Variants in KDM4A observed in about 807,000 individuals in gnomAD.
KDM4A encodes the protein lysine demethylase 4A, also known as lysine-specific demethylase 4A.
Under a neutral mutation model 127.1 loss-of-function variants are expected in KDM4A, and 23 were observed. The observed-to-expected ratio is 0.18, with a 90% CI of 0.13 to 0.26. KDM4A has a LOEUF of 0.26. Ranked by LOEUF, KDM4A falls within the 10% of genes least tolerant of loss-of-function variation. The pLI is 1.00. For synonymous variants in KDM4A, 443 were observed against 466.5 expected (o/e 0.95, Z 0.65); for missense variants, 890 against 1,329.1 (o/e 0.67, Z 5.14).
chr1:43,690,614 C>T (rs76799529), intron 13 of KDM4A: 23,789 of 577,192 alleles, frequency 0.041, 627 homozygotes, highest in Non-Finnish European at 0.054. Context: ...TTACCTTGCT[C>T]CCTTTTCTCA....
chr1:43,676,221 T>C (rs770788670), intron 11 of KDM4A, among the ~76,000 whole-genome samples: 2 of 151,908 alleles, frequency 1.3e-5, no homozygotes, highest in Non-Finnish European at 2.9e-5. Context: ...GCCTGAGAGG[T>C]TGAGGCTGCA....
At chr1:43,702,305 A>T (rs1661418266) in intron 19 of KDM4A, 1 of 152,226 alleles carries the variant, frequency 6.6e-6, no homozygotes, top group Non-Finnish European at 1.5e-5. Flanking sequence ...TGAGTAGTTA[A>T]ATCTTAGAAC....
intron 9 of KDM4A, 84 bp downstream of exon 9, chr1:43,668,103 G>T (rs1660539383): frequency 2.0e-6 from 3 of 1,516,148 alleles, no homozygotes; most frequent in Admixed American, 2.1e-5. Context: ...GCTGTTTCTT[G>T]TTTTTTTTGT....
chr1:43,665,563 TCAGA>T, intron 5 of KDM4A, 129 bp from the exon 6 acceptor site: 17 of 720,844 alleles, frequency 2.4e-5, no homozygotes, highest in Admixed American at 7.0e-5. Flanking sequence ...TTTCATTTTT[TCAGA>T]TTCCTTTCTA....
intron 6 of KDM4A, 118 bp downstream of exon 6, chr1:43,665,863 G>A: frequency 9.9e-7 from 1 of 1,009,802 alleles, no homozygotes; most frequent in Non-Finnish European, 1.5e-6. Context: ...CAGGCCTGCA[G>A]ACGGGGGTGA....
At chr1:43,682,592 C>G (rs1660883442) in intron 11 of KDM4A, among the ~76,000 whole-genome samples, 1 of 152,236 alleles carries the variant, frequency 6.6e-6, no homozygotes, top group Non-Finnish European at 1.5e-5. Flanking sequence ...CAGGCCTTTG[C>G]ACACAGTAGG....
chr1:43,689,479 C>T (rs1404889587), intron 13 of KDM4A, among the ~76,000 whole-genome samples: 1 of 152,252 alleles, frequency 6.6e-6, no homozygotes, highest in Non-Finnish European at 1.5e-5. Flanking sequence ...AGCTGAAAAG[C>T]CAGATCCTCT....
At chr1:43,684,300 C>A (rs147365100) in intron 12 of KDM4A, among the ~76,000 whole-genome samples, 2 of 152,068 alleles carry the variant, frequency 1.3e-5, no homozygotes, top group African/African-American at 2.4e-5. Context: ...GTCAGGAGAT[C>A]GAGACCATCC....
At chr1:43,669,980 G>A (rs1178496676) in intron 10 of KDM4A, among the ~76,000 whole-genome samples, 2 of 152,158 alleles carry the variant, frequency 1.3e-5, no homozygotes, top group African/African-American at 4.8e-5. Context: ...TTAATAGCAT[G>A]GTCCACTTGG....
At chr1:43,674,798 C>T (rs1001473872) in intron 11 of KDM4A, among the ~76,000 whole-genome samples, 1 of 152,068 alleles carries the variant, frequency 6.6e-6, no homozygotes, top group Non-Finnish European at 1.5e-5. Context: ...TGTGAGCCAT[C>T]GCGCCTGGCC....
chr1:43,676,223 G>C (rs776661936), intron 11 of KDM4A, among the ~76,000 whole-genome samples: 1 of 152,112 alleles, frequency 6.6e-6, no homozygotes, highest in African/African-American at 2.4e-5. Context: ...CTGAGAGGTT[G>C]AGGCTGCAAT....
At chr1:43,701,837 G>A (rs964722658) in intron 19 of KDM4A, among the ~76,000 whole-genome samples, 1 of 152,172 alleles carries the variant, frequency 6.6e-6, no homozygotes, top group Non-Finnish European at 1.5e-5. Flanking sequence ...AGCAGCTAGT[G>A]TAATTCACAA....
At position 43,671,813 on chromosome 1, in the gene KDM4A, G is replaced by A. The variant is rs185752390; in HGVS notation, c.1672G>A (p.Glu558Lys). ...AGGGGATGGCAGGGTCACTGTGGGAGAGCCATGCACGAGGAAGAAAGGAAG... is the reference window on the plus strand; with the variant it reads ...AGGGGATGGCAGGGTCACTGTGGGAAAGCCATGCACGAGGAAGAAAGGAAG... The part of the protein sequence containing the change: ...AKGDGRVTVG[E>K]PCTRKKGSAA... Residue 558 changes from glutamate (E) to lysine (K), a missense_variant, in exon 11 of 22, where the codon GAG (glutamate) becomes AAG (lysine). By Grantham distance (56) the Glu-to-Lys change is moderately conservative. Around this residue, in one of 7 missense-constraint regions of KDM4A, gnomAD observed 389 missense variants for 485.9 expected, o/e 0.80. Coordinates refer to ENST00000372396, the MANE Select transcript of KDM4A (RefSeq NM_014663.3). The A allele has an allele frequency of 6.2e-7, 1 of 1,604,794 alleles. No homozygotes were observed. The highest frequency in any genetic ancestry group is 1.7e-5 in the Admixed American group (1 of 58,166).
At position 43,704,965 on chromosome 1, in the gene KDM4A, C is replaced by T. The variant is rs971646837; in HGVS notation, c.*595C>T. On this transcript the variant is annotated 3_prime_UTR_variant, in exon 22 of 22. Coordinates refer to ENST00000372396, the MANE Select transcript of KDM4A (RefSeq NM_014663.3). ...TGTGGCATCTGTCCAGGCCTGGAAC[C>T]GTCTCAAGACAGTGCTGGCAAAGCT... 2.0e-5 allele frequency: 3 copies of T among 153,306 alleles called. No homozygotes were observed. The highest frequency in any genetic ancestry group is 6.5e-5 in the Admixed American group (1 of 15,316). The allele number at this position is 153,306 out of a possible 1,614,324, so 9.5% of individuals were successfully genotyped here.
chr1:43,688,383 A>G lies in KDM4A; in HGVS notation c.1856-531A>G, dbSNP rs937114005. 6.6e-6 allele frequency among the ~76,000 whole-genome samples: 1 copy of G among 152,182 alleles called. No individual in the cohort carries two copies. The highest frequency in any genetic ancestry group is 2.4e-5 in the African/African-American group (1 of 41,434). On this transcript the variant is annotated intron_variant, in intron 12 of 21. Coordinates refer to ENST00000372396, the MANE Select transcript of KDM4A (RefSeq NM_014663.3). The surrounding 1 kb of genome is among the most constrained non-coding windows in gnomAD (Gnocchi z 4.4). ...GGGGAGCCTTGTCCAGAATAGGTAC[A>G]TACTGCTGACCTTTCCAGAGGAAGC... is the stretch of plus-strand genomic sequence containing the variant.
At position 43,672,717 on chromosome 1, in the gene KDM4A, A is replaced by G. The variant is rs558816354; in HGVS notation, c.1734+842A>G. Among the ~76,000 whole-genome samples, 5 of 151,692 alleles carry G rather than the reference A, an allele frequency of 3.3e-5. No individual in the cohort carries two copies. The South Asian group carries it at 1.0e-3, about 32-fold the overall frequency. The stretch of plus-strand genomic sequence containing the variant: ...CACCGTGTTAGCCAGGATGGTCTCG[A>G]TTTCCTGACCTTGTGATCCGCCTGC... On this transcript the variant is annotated intron_variant, in intron 11 of 21. Coordinates refer to ENST00000372396, the MANE Select transcript of KDM4A (RefSeq NM_014663.3).
chr1:43,685,730 T>G (rs947349769), intron 12 of KDM4A, among the ~76,000 whole-genome samples: 1 of 152,106 alleles, frequency 6.6e-6, no homozygotes, highest in Non-Finnish European at 1.5e-5. Flanking sequence ...ACCATGCCAC[T>G]GCACTCCAGC....
At position 43,671,849 on chromosome 1, in the gene KDM4A, A is replaced by C. The variant is rs1660626838; in HGVS notation, c.1708A>C (p.Ser570Arg). 3 of 1,578,286 alleles carry C rather than the reference A, an allele frequency of 1.9e-6. No homozygotes were observed. Among genetic ancestry groups the C allele is most frequent in the Non-Finnish European group, 2.6e-6 (3 of 1,160,718 alleles). Residue 570 changes from serine (S) to arginine (R), a missense_variant, in exon 11 of 22, where the codon AGT (serine) becomes CGT (arginine). This residue lies in a region of KDM4A where 389 missense variants were observed against 485.9 expected (regional missense o/e 0.80). Coordinates refer to ENST00000372396, the MANE Select transcript of KDM4A (RefSeq NM_014663.3). Reference sequence around the variant, plus strand: ...GAGGAAGAAAGGAAGCGCCGCTAGAAGTTTCAGTGAGCGGGAGCTGGCAGA... The same window carrying C: ...GAGGAAGAAAGGAAGCGCCGCTAGACGTTTCAGTGAGCGGGAGCTGGCAGA... ...CTRKKGSAAR[S>R]FSERELAEVA...
chr1:43,699,833 C>T (rs1661341769), intron 19 of KDM4A: 1 of 151,870 alleles, frequency 6.6e-6, no homozygotes, highest in Non-Finnish European at 1.5e-5. Context: ...AGGTTCACGC[C>T]ATTCTCCTGC....
Sources: allele counts gnomAD v4.1 joint callset (sites outside exome capture counted in the v4.1 genomes callset), GRCh38; gene constraint gnomAD v4.1.1; regional missense constraint gnomAD v4.1.1; non-coding constraint Gnocchi (gnomAD v3.1); transcripts MANE v1.5; gene names NCBI Gene and HGNC (gene_info 2026-07-23, HGNC 2026-07-21).